Variants in NGF observed in about 807,000 individuals in gnomAD.
The protein encoded by NGF is beta-nerve growth factor.
Under a neutral mutation model 12.8 loss-of-function variants are expected in NGF, and 4 were observed. That is an observed-to-expected ratio of 0.31 (90% CI 0.15 to 0.72). NGF has a LOEUF of 0.72. Among genes scored for constraint, NGF ranks in the 30% least tolerant of loss-of-function variants. The pLI is 0.69. For missense variants in NGF, 283 were observed against 330.8 expected (o/e 0.86, Z 1.12); for synonymous variants, 140 against 130.0 (o/e 1.08, Z -0.52).
chr1:115,299,610 G>T (rs1653972789), intron 1 of NGF, among the ~76,000 whole-genome samples: 1 of 152,142 alleles, frequency 6.6e-6, no homozygotes, highest in African/African-American at 2.4e-5. Context: ...ACAGAGTTGA[G>T]GGCAGAATAT....
At chr1:115,306,748 ATCT>A (rs1654214478) in intron 1 of NGF, among the ~76,000 whole-genome samples, 1 of 152,244 alleles carries the variant, frequency 6.6e-6, no homozygotes, top group Non-Finnish European at 1.5e-5. Context: ...TAAAGCCACC[ATCT>A]TCTTTTAGCT....
At chr1:115,302,634 G>C (rs1380083133) in intron 1 of NGF, among the ~76,000 whole-genome samples, 1 of 152,224 alleles carries the variant, frequency 6.6e-6, no homozygotes. Context: ...CTGGCAGCAG[G>C]CCTCTGTCTG....
At chr1:115,297,082 G>A (rs1252475223) in intron 1 of NGF, among the ~76,000 whole-genome samples, 1 of 152,182 alleles carries the variant, frequency 6.6e-6, no homozygotes, top group Non-Finnish European at 1.5e-5. Flanking sequence ...TAAAGCAGTG[G>A]TTCTCAAAGT....
At position 115,286,548 on chromosome 1, in the gene NGF, C is replaced by G. The variant is rs767272925; in HGVS notation, c.248G>C (p.Arg83Pro). The change falls in exon 3 of 3, where the codon CGT (arginine) becomes CCT (proline). Residue 83 changes from arginine to proline, a missense_variant. Transcript: ENST00000369512. ...GGTGCTAAACAGCACACGGGGTGAACGGAGTCGCCGCTTTTTAAACAGCCT... is the reference window on the plus strand; with the variant it reads ...GGTGCTAAACAGCACACGGGGTGAAGGGAGTCGCCGCTTTTTAAACAGCCT... Reference protein sequence around the residue: ...DPRLFKKRRLRSPRVLFSTQP... With the variant: ...DPRLFKKRRLPSPRVLFSTQP... 1 of 1,614,204 alleles carries G rather than the reference C, an allele frequency of 6.2e-7. No individual in the cohort carries two copies. The highest frequency in any genetic ancestry group is 1.1e-5 in the South Asian group (1 of 91,084).
At chr1:115,337,652 G>A (rs1229909290) in intron 1 of NGF, among the ~76,000 whole-genome samples, 2 of 152,070 alleles carry the variant, frequency 1.3e-5, no homozygotes, top group African/African-American at 4.8e-5. Flanking sequence ...CAGCCCTTCC[G>A]AGACGCGCTG....
intron 1 of NGF, among the ~76,000 whole-genome samples, chr1:115,337,263 T>TTTG (rs1557950739): frequency 1.2e-5 from 1 of 82,706 alleles, no homozygotes; most frequent in Non-Finnish European, 2.1e-5. Context: ...TTTGTTTTGT[T>TTTG]TTTGTTTTTT....
chr1:115,333,346 G>A (rs929706709), intron 1 of NGF, among the ~76,000 whole-genome samples: 34 of 152,212 alleles, frequency 2.2e-4, no homozygotes, highest in East Asian at 5.8e-4. Context: ...CATTCCCACT[G>A]ATTTCATAGC....
intron 2 of NGF, among the ~76,000 whole-genome samples, chr1:115,287,322 C>A (rs6328): frequency 0.34 from 51,922 of 152,000 alleles, 9,080 homozygotes; most frequent in East Asian, 0.54. Context: ...CTGGGTACCC[C>A]CTTTCAGACA....
chr1:115,333,762 T>TCC (rs1557949425), intron 1 of NGF, among the ~76,000 whole-genome samples: 1 of 130,276 alleles, frequency 7.7e-6, no homozygotes, highest in African/African-American at 3.1e-5. Context: ...CCCTCCCCCC[T>TCC]CTCTCTCTTT....
intron 1 of NGF, among the ~76,000 whole-genome samples, chr1:115,329,166 G>A (rs1654846249): frequency 6.6e-6 from 1 of 151,924 alleles, no homozygotes; most frequent in Non-Finnish European, 1.5e-5. Flanking sequence ...GGAGGAATGG[G>A]CAAGGGGAAG....
intron 1 of NGF, among the ~76,000 whole-genome samples, chr1:115,314,541 C>T (rs573425831): frequency 2.6e-5 from 4 of 152,296 alleles, no homozygotes; most frequent in South Asian, 4.1e-4. Flanking sequence ...CAACTTAATT[C>T]AACACACACT....
chr1:115,287,611 T>A (rs1414834629), intron 2 of NGF, among the ~76,000 whole-genome samples: 1 of 152,226 alleles, frequency 6.6e-6, no homozygotes, highest in Non-Finnish European at 1.5e-5. Context: ...GAAAATGAAC[T>A]AACACTAAAG....
chr1:115,331,036 T>TG (rs978083581), intron 1 of NGF, among the ~76,000 whole-genome samples: 1 of 152,066 alleles, frequency 6.6e-6, no homozygotes. Flanking sequence ...GTGCTTTTCC[T>TG]GGGGCAGAAA....
chr1:115,337,154 A>T (rs1468684943), intron 1 of NGF, among the ~76,000 whole-genome samples: 1 of 152,100 alleles, frequency 6.6e-6, no homozygotes, highest in Non-Finnish European at 1.5e-5. Context: ...CAACTTGGAA[A>T]AACCAGCCTA....
intron 1 of NGF, among the ~76,000 whole-genome samples, chr1:115,321,305 A>T (rs7528234): frequency 6.6e-6 from 1 of 152,162 alleles, no homozygotes; most frequent in Admixed American, 6.5e-5. Context: ...TAAATAGTTG[A>T]TGAAAGAATG....
At chr1:115,306,009 A>G (rs1475317907) in intron 1 of NGF, among the ~76,000 whole-genome samples, 2 of 152,210 alleles carry the variant, frequency 1.3e-5, no homozygotes, top group East Asian at 3.8e-4. Flanking sequence ...GCAATAGCAA[A>G]CCATCTCATA....
At chr1:115,309,817 A>G (rs1654294356) in intron 1 of NGF, among the ~76,000 whole-genome samples, 2 of 152,254 alleles carry the variant, frequency 1.3e-5, no homozygotes, top group Admixed American at 1.3e-4. Context: ...AGCTTTTGTA[A>G]ACAGAATCAT....
chr1:115,292,673 G>A (rs1017613154), intron 2 of NGF, among the ~76,000 whole-genome samples: 6 of 152,146 alleles, frequency 3.9e-5, no homozygotes, highest in African/African-American at 1.4e-4. Flanking sequence ...GCCTGAAGCC[G>A]TATGCACACT....
At chr1:115,314,157 G>C (rs1411784934) in intron 1 of NGF, among the ~76,000 whole-genome samples, 1 of 152,174 alleles carries the variant, frequency 6.6e-6, no homozygotes, top group African/African-American at 2.4e-5. Flanking sequence ...ATCTTGGTGT[G>C]TCTGACTTGC....
Sources: allele counts gnomAD v4.1 joint callset (sites outside exome capture counted in the v4.1 genomes callset), GRCh38; gene constraint gnomAD v4.1.1; transcripts MANE v1.5; gene names NCBI Gene and HGNC (gene_info 2026-07-23, HGNC 2026-07-21).